The following GSTM2 variants were observed in gnomAD, a reference collection of about 807,000 sequenced individuals.
The protein encoded by GSTM2 is glutathione S-transferase mu 2.
Under a neutral mutation model 33.3 loss-of-function variants are expected in GSTM2, and 33 were observed. That is an observed-to-expected ratio of 0.99 (90% confidence interval 0.75 to 1.33). The LOEUF (loss-of-function observed/expected upper bound fraction) is 1.33, where lower values mean the gene tolerates loss of function less well. Ranked by LOEUF, GSTM2 falls within the 40% of genes most tolerant of loss-of-function variation. The pLI is 0.00. For missense variants in GSTM2, 213 were observed against 265.8 expected (o/e 0.80, Z 1.38); for synonymous variants, 93 against 95.6 (o/e 0.97, Z 0.16).
In GSTM2 at chr1:109,668,917, C is replaced by T. The variant is rs1220135027; in HGVS notation, c.113-8C>T. 1.2e-6 allele frequency: 2 copies of T among 1,612,246 alleles called. No individual in the cohort carries two copies. Among genetic ancestry groups the T allele is most frequent in the Non-Finnish European group, 1.7e-6 (2 of 1,179,844 alleles). On this transcript the variant is annotated splice_region_variant and splice_polypyrimidine_tract_variant and intron_variant, in intron 2 of 7. Transcript: ENST00000241337. ...AGGTTTGTTTTCACTTCATCTTCCC[C>T]ACCACAGCTCCTGATTATGACAGAA...
chr1:109,668,188 C>A, intron 1 of GSTM2, 37 bp downstream of exon 1: 2 of 1,366,592 alleles, frequency 1.5e-6, no homozygotes, highest in Non-Finnish European at 2.1e-6. Context: ...GACGGGGGTG[C>A]GTGGGGGCGG....
chr1:109,668,070 C>T lies in GSTM2; in HGVS notation c.-46C>T. On this transcript the variant is annotated 5_prime_UTR_variant, in exon 1 of 8. Transcript: ENST00000241337. The stretch of plus-strand genomic sequence containing the variant: ...TCTGGGCCTCTCACAAACGCTGAGC[C>T]CCGCCCCGCTGAGGCCTGTCTGCAG... The T allele has an allele frequency of 1.2e-6, 2 of 1,606,920 alleles. No individual in the cohort carries two copies. The highest frequency in any genetic ancestry group is 1.3e-5 in the African/African-American group (1 of 74,926).
chr1:109,671,405 ACAC>A (rs1302830860), intron 6 of GSTM2, 23 bp downstream of exon 6: 2 of 1,583,194 alleles, frequency 1.3e-6, no homozygotes, highest in African/African-American at 2.7e-5. Flanking sequence ...TGTGATGGGG[ACAC>A]CACAGATTTG....
At chr1:109,673,917 A>G (rs1406053701) in intron 7 of GSTM2, among the ~76,000 whole-genome samples, 1 of 152,180 alleles carries the variant, frequency 6.6e-6, no homozygotes, top group Non-Finnish European at 1.5e-5. Context: ...CTGGGCATTC[A>G]ATCCTGGTAA....
Position 109,668,816 on chromosome 1 carries a change from C to G in GSTM2, c.113-109C>G, listed in dbSNP as rs1209210340. ...GGATGTGGGACTGAGTGGTCAGATT[C>G]TAGATCCACCTGTCTCAGGGGTCTT... On this transcript the variant is annotated intron_variant, in intron 2 of 7. Coordinates refer to ENST00000241337, the MANE Select transcript of GSTM2 (RefSeq NM_000848.4). The G allele has an allele frequency of 3.1e-6, 4 of 1,291,540 alleles. No individual in the cohort carries two copies. The African/African-American group carries it at 4.4e-5, about 14-fold the overall frequency. 80.0% of individuals were successfully genotyped at this position (1,291,540 alleles called of 1,614,324 possible). A position where few individuals can be genotyped will look rare whatever the true frequency, so the allele number is the denominator to read the frequency against.
chr1:109,669,813 G>A (rs1412608268), intron 5 of GSTM2: 1 of 512,694 alleles, frequency 2.0e-6, no homozygotes. Flanking sequence ...TTGTGGTCTT[G>A]CTGACTTCAG....
At chr1:109,668,172 C>A in intron 1 of GSTM2, 21 bp downstream of exon 1, 3 of 1,498,024 alleles carry the variant, frequency 2.0e-6, no homozygotes, top group African/African-American at 1.4e-5. Flanking sequence ...GTCCGCTGGG[C>A]GGTGGGACGG....
chr1:109,679,583 T>C (rs71665036), downstream of GSTM2, among the ~76,000 whole-genome samples: 1 of 152,244 alleles, frequency 6.6e-6, no homozygotes, highest in Non-Finnish European at 1.5e-5. Context: ...TCTACTTGTT[T>C]GTGAATCTCC....
At chr1:109,668,654 G>T (rs1647419301) in intron 2 of GSTM2, 154 bp downstream of exon 2, 3 of 939,770 alleles carry the variant, frequency 3.2e-6, no homozygotes, top group Non-Finnish European at 5.1e-6. Context: ...TCCTTGCAAG[G>T]CAGAATGCTG....
intron 7 of GSTM2, chr1:109,673,260 C>A: frequency 6.2e-7 from 1 of 1,611,446 alleles, no homozygotes; most frequent in South Asian, 1.1e-5. Context: ...CTGACCTTCT[C>A]CTCTGCATGA....
chr1:109,674,034 C>T (rs1647635853), intron 7 of GSTM2, among the ~76,000 whole-genome samples: 1 of 152,162 alleles, frequency 6.6e-6, no homozygotes, highest in Non-Finnish European at 1.5e-5. Context: ...AGATGGAGAA[C>T]CTTGGACTTT....
At chr1:109,671,185 A>T in intron 5 of GSTM2, 102 bp from the exon 6 acceptor site, 1 of 779,050 alleles carries the variant, frequency 1.3e-6, no homozygotes, top group Non-Finnish European at 2.3e-6. Context: ...GGGGAAGATG[A>T]CTGCTTGCCC....
At chr1:109,672,752 G>A (rs1647592751) in intron 7 of GSTM2, among the ~76,000 whole-genome samples, 1 of 152,226 alleles carries the variant, frequency 6.6e-6, no homozygotes, top group Non-Finnish European at 1.5e-5. Flanking sequence ...CCCCATGTGG[G>A]GAATCCTGAG....
intron 7 of GSTM2, among the ~76,000 whole-genome samples, chr1:109,673,026 C>T (rs1014102237): frequency 3.9e-5 from 6 of 152,004 alleles, no homozygotes; most frequent in Non-Finnish European, 8.8e-5. Context: ...TGTACCACCA[C>T]GTCCAGCTAA....
At chr1:109,669,398 G>A (rs1647448052) in intron 4 of GSTM2, 27 bp downstream of exon 4, 1 of 1,613,964 alleles carries the variant, frequency 6.2e-7, no homozygotes, top group African/African-American at 1.3e-5. Flanking sequence ...GCAAGATGCG[G>A]GGAGGGACCG....
At chr1:109,677,299 C>T (rs71663079), downstream of GSTM2, among the ~76,000 whole-genome samples, 2 of 152,196 alleles carry the variant, frequency 1.3e-5, no homozygotes, top group African/African-American at 2.4e-5. Flanking sequence ...CCAGAAATCC[C>T]ACCCTACAGG....
rs1261500618 is a variant in GSTM2 at position 109,669,328 on chromosome 1, G to A, written c.216G>A (p.Gln72=). ...YLIDGTHKIT[Q]SNAILRYIAR... is the part of the protein sequence containing the mutation. ...TTGATGGGACTCACAAGATCACCCA[G>A]AGCAACGCCATCCTGCGGTACATTG... The change falls in exon 4 of 8, where the codon CAG becomes CAA. Residue 72 remains glutamine (Q), a synonymous_variant. Coordinates refer to ENST00000241337, the MANE Select transcript of GSTM2 (RefSeq NM_000848.4). 1.2e-6 allele frequency: 2 copies of A among 1,614,078 alleles called. No individual in the cohort carries two copies. Among genetic ancestry groups the A allele is most frequent in the East Asian group, 2.2e-5 (1 of 44,896 alleles).
chr1:109,670,697 T>C (rs978854039), intron 5 of GSTM2: 1 of 152,928 alleles, frequency 6.5e-6, no homozygotes, highest in Non-Finnish European at 1.5e-5. Flanking sequence ...GGAAAACAAG[T>C]GCAAAACAAA....
intron 5 of GSTM2, chr1:109,670,239 G>T (rs376988720): frequency 6.6e-6 from 1 of 152,170 alleles, no homozygotes; most frequent in Non-Finnish European, 1.5e-5. Flanking sequence ...TGATTGGTGC[G>T]TTTACAAACC....
Sources: gnomAD v4.1 joint callset for allele counts (sites outside exome capture counted in the v4.1 genomes callset) on GRCh38, gnomAD v4.1.1 for gene constraint, MANE v1.5 for transcripts, NCBI Gene and HGNC (gene_info 2026-07-23, HGNC 2026-07-21) for gene names.